Variants in KBTBD12 observed in about 807,000 individuals in gnomAD.
The protein encoded by KBTBD12 is kelch repeat and BTB domain-containing protein 12.
Under a neutral mutation model 58.7 loss-of-function variants are expected in KBTBD12, and 53 were observed. That is an observed-to-expected ratio of 0.90 (90% CI 0.72 to 1.14). The LOEUF (loss-of-function observed/expected upper bound fraction) is 1.14, where lower values mean the gene tolerates loss of function less well. KBTBD12 is among the 50% of genes most tolerant of loss of function. The probability of loss-of-function intolerance (pLI) is 0.00; values close to 1 mark genes in which losing one functional copy is unlikely to be tolerated. For missense variants in KBTBD12, 704 were observed against 751.3 expected, an observed-to-expected ratio of 0.94 and a Z score of 0.74; for synonymous variants, 236 against 259.8, an observed-to-expected ratio of 0.91 and a Z score of 0.88.
chr3:127,920,392 CT>C (rs78135551), intron 1 of KBTBD12, among the ~76,000 whole-genome samples: 693 of 133,620 alleles, frequency 5.2e-3, no homozygotes, highest in Middle Eastern at 0.015. Context: ...CTAGTTCATT[CT>C]TTTTTTTTTT....
chr3:127,931,237 T>A (rs1435629867), intron 4 of KBTBD12, among the ~76,000 whole-genome samples: 1 of 152,112 alleles, frequency 6.6e-6, no homozygotes, highest in Non-Finnish European at 1.5e-5. Flanking sequence ...GGGAGGCCAT[T>A]ATCTCTTAGC....
chr3:127,978,559 G>C (rs747886199), intron 5 of KBTBD12, among the ~76,000 whole-genome samples: 3 of 152,150 alleles, frequency 2.0e-5, no homozygotes, highest in Non-Finnish European at 4.4e-5. Context: ...CTCTTTTTCT[G>C]TTCCAAGGAG....
At chr3:127,983,961 C>G (rs988196645) in intron 5 of KBTBD12, 136 bp from the exon 6 acceptor site, 17 of 681,020 alleles carry the variant, frequency 2.5e-5, no homozygotes, top group Non-Finnish European at 4.1e-5. Flanking sequence ...CTACCCAGTC[C>G]TGGGTATTCT....
At chr3:127,951,232 G>A (rs545634643) in intron 4 of KBTBD12, among the ~76,000 whole-genome samples, 13 of 152,266 alleles carry the variant, frequency 8.5e-5, no homozygotes, top group East Asian at 3.9e-4. Flanking sequence ...ATGAAACCAC[G>A]AAAGCTGAAT....
chr3:127,916,342 C>T (rs1238069399), intron 1 of KBTBD12, among the ~76,000 whole-genome samples: 1 of 152,126 alleles, frequency 6.6e-6, no homozygotes. Flanking sequence ...TCCTACCAGC[C>T]TCTGCAAGCG....
chr3:127,962,581 C>T (rs1576389895), intron 4 of KBTBD12, among the ~76,000 whole-genome samples: 1 of 152,312 alleles, frequency 6.6e-6, no homozygotes, highest in East Asian at 1.9e-4. Context: ...TAACTTAGCA[C>T]ATTGCCTTAC....
At chr3:127,940,628 C>G (rs888464484) in intron 4 of KBTBD12, among the ~76,000 whole-genome samples, 2 of 151,928 alleles carry the variant, frequency 1.3e-5, no homozygotes, top group African/African-American at 2.4e-5. Flanking sequence ...GAAGAAAGTT[C>G]TCACATCTAT....
At chr3:127,962,582 A>T (rs1291031864) in intron 4 of KBTBD12, among the ~76,000 whole-genome samples, 1 of 152,216 alleles carries the variant, frequency 6.6e-6, no homozygotes, top group Non-Finnish European at 1.5e-5. Flanking sequence ...AACTTAGCAC[A>T]TTGCCTTACA....
At chr3:127,915,685 G>C (rs1445905844) in intron 1 of KBTBD12, 99 bp downstream of exon 1, 2 of 152,254 alleles carry the variant, frequency 1.3e-5, no homozygotes, top group Non-Finnish European at 2.9e-5. Flanking sequence ...CGGGGCCACC[G>C]GCACTTGCAG....
Position 127,945,678 on chromosome 3 carries a change from CTTT to C in KBTBD12, c.1492+15411_1492+15413del, listed in dbSNP as rs36060646. Reference sequence around the variant, plus strand: ...GTCTGAACTGGTCTTCTTATTTTCACTTTTTTTTTTTTTTTTTTGAGACAGAGT... The same window carrying C: ...GTCTGAACTGGTCTTCTTATTTTCACTTTTTTTTTTTTTTTGAGACAGAGT... On this transcript the variant is annotated intron_variant, in intron 4 of 5. Coordinates refer to ENST00000405109, the MANE Select transcript of KBTBD12 (RefSeq NM_207335.4). 2.9e-3 allele frequency among the ~76,000 whole-genome samples: 365 copies of C among 127,112 alleles called. 1 individual carries two copies. The highest frequency in any genetic ancestry group is 9.4e-3 in the African/African-American group (315 of 33,406). The allele number at this position is 127,112 out of a possible 152,430, so 83.4% of individuals were successfully genotyped here. A position where few individuals can be genotyped will look rare whatever the true frequency, so the allele number is the denominator to read the frequency against.
intron 5 of KBTBD12, among the ~76,000 whole-genome samples, chr3:127,971,413 G>C (rs1438704072): frequency 6.6e-6 from 1 of 152,164 alleles, no homozygotes; most frequent in African/African-American, 2.4e-5. Context: ...ACAAAGAGGA[G>C]TTGCTCCCAG....
At chr3:127,935,026 G>A (rs1939796140) in intron 4 of KBTBD12, among the ~76,000 whole-genome samples, 1 of 152,124 alleles carries the variant, frequency 6.6e-6, no homozygotes, top group African/African-American at 2.4e-5. Context: ...GGCTGCATAG[G>A]ACGTGTTTTT....
intron 5 of KBTBD12, among the ~76,000 whole-genome samples, chr3:127,983,889 C>A (rs1175900914): frequency 6.6e-6 from 1 of 152,186 alleles, no homozygotes; most frequent in Non-Finnish European, 1.5e-5. Flanking sequence ...GATGCAGATC[C>A]CCAGTCTTGA....
intron 4 of KBTBD12, among the ~76,000 whole-genome samples, chr3:127,952,792 AG>A (rs898283848): frequency 7.2e-5 from 11 of 152,230 alleles, no homozygotes; most frequent in African/African-American, 2.7e-4. Flanking sequence ...TAACCACCAC[AG>A]GGAAAGATTT....
chr3:127,956,004 G>A (rs1487830311), intron 4 of KBTBD12, among the ~76,000 whole-genome samples: 2 of 152,184 alleles, frequency 1.3e-5, no homozygotes, highest in African/African-American at 2.4e-5. Context: ...CATTCATGAT[G>A]AACAAGGAAA....
rs187517933 is a variant in KBTBD12 at position 127,950,856 on chromosome 3, A to C, written c.1493-12333A>C. On this transcript the variant is annotated intron_variant, in intron 4 of 5. Transcript: ENST00000405109. ...AGACCAGCCTGGCCAGCATGGTGAA[A>C]CCCTGTCTCTACTAAAAATACAAAA... Among the ~76,000 whole-genome samples the C allele has an allele frequency of 8.0e-4, 121 of 152,142 alleles. 1 individual carries two copies. Among genetic ancestry groups the C allele is most frequent in the African/African-American group, 2.8e-3 (118 of 41,522 alleles).
chr3:127,916,584 C>T (rs1939246381), intron 1 of KBTBD12, among the ~76,000 whole-genome samples: 1 of 151,898 alleles, frequency 6.6e-6, no homozygotes, highest in South Asian at 2.1e-4. Context: ...AGGTCCTGCA[C>T]ATTGTTGCCG....
chr3:127,966,035 C>A (rs1940560534), intron 5 of KBTBD12, among the ~76,000 whole-genome samples: 1 of 152,188 alleles, frequency 6.6e-6, no homozygotes, highest in African/African-American at 2.4e-5. Flanking sequence ...TAATTTCCTG[C>A]CCTACTCTTG....
chr3:127,982,752 C>T (rs1559777656), intron 5 of KBTBD12, among the ~76,000 whole-genome samples: 1 of 152,216 alleles, frequency 6.6e-6, no homozygotes, highest in Non-Finnish European at 1.5e-5. Context: ...CAGACAGCTC[C>T]CCTGTCCCAG....
Sources: allele counts gnomAD v4.1 joint callset (sites outside exome capture counted in the v4.1 genomes callset), GRCh38; gene constraint gnomAD v4.1.1; transcripts MANE v1.5; gene names NCBI Gene and HGNC (gene_info 2026-07-23, HGNC 2026-07-21).